PLCG2: variants seen among roughly 807,000 people sequenced by gnomAD.
The protein encoded by PLCG2 is phospholipase C gamma 2.
A neutral mutation model predicts 175.6 loss-of-function variants in PLCG2; 69 were observed. The observed-to-expected ratio is 0.39, with a 90% CI of 0.32 to 0.48. PLCG2 has a LOEUF of 0.48. PLCG2 is among the 20% of genes least tolerant of loss of function. The probability of loss-of-function intolerance (pLI) is 0.91; values close to 1 mark genes in which losing one functional copy is unlikely to be tolerated. For missense variants in PLCG2, 1,798 were observed against 1,650.9 expected, an observed-to-expected ratio of 1.09 and a Z score of -1.54; for synonymous variants, 827 against 624.0, an observed-to-expected ratio of 1.33 and a Z score of -4.85.
At chr16:81,937,579 A>G (rs1240924419) in intron 27 of PLCG2, 179 bp from the exon 28 acceptor site, 2 of 443,816 alleles carry the variant, frequency 4.5e-6, no homozygotes, top group Admixed American at 4.0e-5. Context: ...GGTGTTCCCC[A>G]GTCTGGGAGT....
At chr16:81,919,439 C>G (rs763439581) in intron 19 of PLCG2, 45 bp from the exon 20 acceptor site, 4 of 1,527,974 alleles carry the variant, frequency 2.6e-6, no homozygotes, top group Non-Finnish European at 2.7e-6. Flanking sequence ...AATTGTTTGG[C>G]CACCAGGATC....
Position 81,760,753 on chromosome 16 carries a change from A to AT in PLCG2, c.-48+4787_-48+4788insT, listed in dbSNP as rs1567695586. On this transcript the variant is annotated intron_variant, in intron 2 of 5. Coordinates refer to the PLCG2 transcript ENST00000565054. ...TAGTGAGACCCCGTCTCTATTAAAA[A>AT]AAAAAATAATAATAATAATAATAAT... is the stretch of plus-strand genomic sequence containing the variant. Among the ~76,000 whole-genome samples, 489 of 90,662 alleles carry AT rather than the reference A, an allele frequency of 5.4e-3. 3 individuals carry two copies. The highest frequency in any genetic ancestry group is 0.014 in the African/African-American group (457 of 31,692). The allele number at this position is 90,662 out of a possible 152,430, so 59.5% of individuals were successfully genotyped here. A position where few individuals can be genotyped will look rare whatever the true frequency, so the allele number is the denominator to read the frequency against.
intron 2 of PLCG2, among the ~76,000 whole-genome samples, chr16:81,832,367 T>A (rs897570214): frequency 6.6e-6 from 1 of 152,324 alleles, no homozygotes; most frequent in South Asian, 2.1e-4. Flanking sequence ...TGCTCTTCTT[T>A]TCCTTTTTGA....
At chr16:81,813,937 C>G (rs749142780) in intron 2 of PLCG2, among the ~76,000 whole-genome samples, 1 of 152,212 alleles carries the variant, frequency 6.6e-6, no homozygotes, top group African/African-American at 2.4e-5. Context: ...TAGATTCTAC[C>G]TGTTGATGGG....
At chr16:81,946,964 G>A (rs1046631595) in intron 31 of PLCG2, among the ~76,000 whole-genome samples, 5 of 152,142 alleles carry the variant, frequency 3.3e-5, no homozygotes, top group African/African-American at 7.2e-5. Context: ...TGGGATTTGT[G>A]CATCTATTGC....
Position 81,913,564 on chromosome 16 carries a change from G to A in PLCG2, c.2054+848G>A, listed in dbSNP as rs776194575. Among the ~76,000 whole-genome samples, 10 of 152,210 alleles carry A rather than the reference G, an allele frequency of 6.6e-5. 1 individual carries two copies. The highest frequency in any genetic ancestry group is 1.5e-4 in the Non-Finnish European group (10 of 68,030). The stretch of plus-strand genomic sequence containing the variant: ...CAGAGTCTCTAGCCAGAGGCCTGGG[G>A]GCCAAATCTCCAGCCAGAGGCCTGT... On this transcript the variant is annotated intron_variant, in intron 19 of 32. Transcript: ENST00000564138.
In PLCG2 at chr16:81,960,599, G is replaced by A. The variant is rs1281946857; in HGVS notation, c.*2601G>A. ...ATGTGCAGGAGTGAAAGGTGTAGAG[G>A]GTCTTGTTTTCCAAATTCGATCTCA... On this transcript the variant is annotated 3_prime_UTR_variant, in exon 33 of 33. Coordinates refer to ENST00000564138, the MANE Select transcript of PLCG2 (RefSeq NM_002661.5). 8.6e-6 allele frequency: 2 copies of A among 231,342 alleles called. No homozygotes were observed. The highest frequency in any genetic ancestry group is 1.2e-4 in the East Asian group (2 of 16,378). 14.3% of individuals were successfully genotyped at this position (231,342 alleles called of 1,614,324 possible). A position where few individuals can be genotyped will look rare whatever the true frequency, so the allele number is the denominator to read the frequency against.
intron 2 of PLCG2, among the ~76,000 whole-genome samples, chr16:81,845,739 G>T (rs1285921811): frequency 6.6e-6 from 1 of 152,230 alleles, no homozygotes; most frequent in African/African-American, 2.4e-5. Context: ...CATTCACCAA[G>T]ATGCCCCTGC....
rs541901664 is a variant in PLCG2 at position 81,750,958 on chromosome 16, C to T, written c.-144-4912C>T. Among the ~76,000 whole-genome samples, 8 of 145,288 alleles carry T rather than the reference C, an allele frequency of 5.5e-5. No homozygotes were observed. In the South Asian group the frequency reaches 1.8e-3, roughly 32 times the overall value. ...AAAGTGCTGGGATTACAGGCGTGAG[C>T]CACCGCACCCAGCTTTTTTTTTTTT... On this transcript the variant is annotated intron_variant, in intron 1 of 5. Coordinates refer to the PLCG2 transcript ENST00000565054.
intron 9 of PLCG2, chr16:81,883,567 G>T (rs1038254339): frequency 3.4e-6 from 2 of 583,054 alleles, no homozygotes; most frequent in Admixed American, 3.0e-5. Flanking sequence ...GCCTCATGTC[G>T]GGCCTCTTTT....
At chr16:81,744,703 C>T (rs746072224) in intron 1 of PLCG2, among the ~76,000 whole-genome samples, 3 of 152,100 alleles carry the variant, frequency 2.0e-5, no homozygotes, top group Non-Finnish European at 4.4e-5. Context: ...TCTTGAGTAG[C>T]TGGGTCTACA....
intron 2 of PLCG2, among the ~76,000 whole-genome samples, chr16:81,797,146 T>C (rs1911506278): frequency 6.6e-6 from 1 of 152,134 alleles, no homozygotes; most frequent in Non-Finnish European, 1.5e-5. Context: ...CATTTGTCCC[T>C]CAAAATAGCA....
At chr16:81,851,683 T>C (rs1906419688) in intron 2 of PLCG2, among the ~76,000 whole-genome samples, 1 of 152,238 alleles carries the variant, frequency 6.6e-6, no homozygotes, top group African/African-American at 2.4e-5. Flanking sequence ...CAGCTACTTT[T>C]TGTATTCTTA....
At chr16:81,925,892 A>AAAG (rs111672433) in intron 22 of PLCG2, among the ~76,000 whole-genome samples, 104,929 of 134,604 alleles carry the variant, frequency 0.78, 38,139 homozygotes, top group East Asian at 0.86. Flanking sequence ...TCTCAAAAAA[A>AAAG]AAAAAAAAAA....
intron 5 of PLCG2, among the ~76,000 whole-genome samples, chr16:81,861,939 G>T (rs1293197440): frequency 6.6e-6 from 1 of 152,206 alleles, no homozygotes; most frequent in Non-Finnish European, 1.5e-5. Flanking sequence ...TTTCTGGACT[G>T]AGTTCATCCC....
chr16:81,747,482 G>A (rs545592899), intron 1 of PLCG2, among the ~76,000 whole-genome samples: 1 of 152,218 alleles, frequency 6.6e-6, no homozygotes, highest in South Asian at 2.1e-4. Context: ...TTGCAGTGAG[G>A]TGAGATTGTG....
At chr16:81,829,527 G>C (rs1437610098) in intron 2 of PLCG2, among the ~76,000 whole-genome samples, 1 of 152,190 alleles carries the variant, frequency 6.6e-6, no homozygotes, top group East Asian at 1.9e-4. Flanking sequence ...CCATTTCTCT[G>C]TTTTATATTG....
intron 5 of PLCG2, among the ~76,000 whole-genome samples, chr16:81,860,425 A>C (rs1259716824): frequency 1.3e-5 from 2 of 152,044 alleles, no homozygotes; most frequent in Non-Finnish European, 2.9e-5. Flanking sequence ...AACGAATACC[A>C]GCAGCACAGC....
chr16:81,856,907 C>G (rs142557912), intron 3 of PLCG2, among the ~76,000 whole-genome samples: 21 of 152,234 alleles, frequency 1.4e-4, no homozygotes, highest in Admixed American at 4.6e-4. Flanking sequence ...AGGATGGAAA[C>G]AAAGGTCAGC....
Sources: gnomAD v4.1 joint callset for allele counts (sites outside exome capture counted in the v4.1 genomes callset) on GRCh38, gnomAD v4.1.1 for gene constraint, MANE v1.5 for transcripts, NCBI Gene and HGNC (gene_info 2026-07-23, HGNC 2026-07-21) for gene names.